NEK11: variants seen among roughly 807,000 people sequenced by gnomAD.
The protein encoded by NEK11 is NIMA related kinase 11, also known as serine/threonine-protein kinase Nek11.
NEK11 carries 72 observed loss-of-function variants against 80.7 expected under a neutral mutation model. That is an observed-to-expected ratio of 0.89 (90% CI 0.74 to 1.08). NEK11 has a LOEUF of 1.08. Among genes scored for constraint, NEK11 ranks in the 50% least tolerant of loss-of-function variants. NEK11 has a pLI of 0.00. For missense variants in NEK11, 764 were observed against 763.6 expected (o/e 1.00, Z -0.01); for synonymous variants, 251 against 260.7 (o/e 0.96, Z 0.36).
chr3:131,170,701 TA>T (rs2092626994), intron 13 of NEK11, 71 bp from the exon 14 acceptor site: 6 of 941,196 alleles, frequency 6.4e-6, no homozygotes, highest in Non-Finnish European at 1.1e-5. Flanking sequence ...TAAATAAGAA[TA>T]TTTTTTTCAT....
At chr3:131,152,582 C>T in intron 8 of NEK11, 45 bp downstream of exon 8, 1 of 1,607,186 alleles carries the variant, frequency 6.2e-7, no homozygotes. Context: ...TAAAGTTGTA[C>T]TTATATTTTA....
chr3:131,295,945 G>T (rs112114522), intron 17 of NEK11, among the ~76,000 whole-genome samples: 1,648 of 152,186 alleles, frequency 0.011, 28 homozygotes, highest in African/African-American at 0.036. Context: ...GCTCAAGTGA[G>T]CCTCCTAACT....
At chr3:131,279,353 A>C (rs1249631406) in intron 17 of NEK11, among the ~76,000 whole-genome samples, 3 of 152,168 alleles carry the variant, frequency 2.0e-5, no homozygotes, top group Admixed American at 2.0e-4. Flanking sequence ...GGTCTCAAAA[A>C]ATAAAATAAA....
intron 7 of NEK11, among the ~76,000 whole-genome samples, chr3:131,148,368 A>G (rs547066635): frequency 6.6e-6 from 1 of 152,110 alleles, no homozygotes; most frequent in Non-Finnish European, 1.5e-5. Context: ...TTTAGTATCA[A>G]ACTTGTCCTG....
intron 14 of NEK11, among the ~76,000 whole-genome samples, chr3:131,210,751 C>A (rs930298394): frequency 6.6e-6 from 1 of 152,128 alleles, no homozygotes; most frequent in South Asian, 2.1e-4. Flanking sequence ...CTCTTTTGAT[C>A]TTTGTTGGTT....
intron 17 of NEK11, among the ~76,000 whole-genome samples, chr3:131,278,102 G>A (rs921595106): frequency 2.6e-5 from 4 of 152,188 alleles, no homozygotes; most frequent in African/African-American, 4.8e-5. Context: ...TTTAGCATGC[G>A]AAAAGTGCTA....
chr3:131,322,291 G>C (rs538231384), intron 17 of NEK11, among the ~76,000 whole-genome samples: 4 of 152,270 alleles, frequency 2.6e-5, no homozygotes, highest in African/African-American at 9.6e-5. Flanking sequence ...GACCACTAGA[G>C]GAGGGAGGAA....
chr3:131,326,304 C>A (rs2096965737), intron 17 of NEK11: 1 of 152,192 alleles, frequency 6.6e-6, no homozygotes, highest in African/African-American at 2.4e-5. Flanking sequence ...TCATATCAAC[C>A]CTCCAGAGGC....
intron 16 of NEK11, 100 bp from the exon 17 acceptor site, chr3:131,273,378 C>A (rs1229144661): frequency 2.6e-6 from 2 of 783,330 alleles, no homozygotes; most frequent in Non-Finnish European, 4.4e-6. Flanking sequence ...TACCATGTGG[C>A]AAAGGTGGAT....
intron 17 of NEK11, among the ~76,000 whole-genome samples, chr3:131,318,016 T>G (rs984214585): frequency 6.6e-5 from 10 of 152,154 alleles, no homozygotes; most frequent in African/African-American, 2.4e-4. Flanking sequence ...TTTCCTGCTT[T>G]CTTCAGATTC....
intron 17 of NEK11, among the ~76,000 whole-genome samples, chr3:131,320,722 T>C (rs1203040918): frequency 6.6e-6 from 1 of 152,018 alleles, no homozygotes; most frequent in Non-Finnish European, 1.5e-5. Flanking sequence ...TCTATGTCAA[T>C]GCTAGTTCAT....
In NEK11 at chr3:131,275,111, AC is replaced by A. The variant is rs1259468279; in HGVS notation, c.1718+1538del. ...TTCTTTTGAGAGTGGTCTTATAATAACATAATTACCATGGCAAGAACTGATT... is the reference window on the plus strand; with the variant it reads ...TTCTTTTGAGAGTGGTCTTATAATAAATAATTACCATGGCAAGAACTGATT... On this transcript the variant is annotated intron_variant, in intron 17 of 17. Coordinates refer to ENST00000383366, the MANE Select transcript of NEK11 (RefSeq NM_024800.5). Among the ~76,000 whole-genome samples the A allele has an allele frequency of 2.6e-5, 4 of 152,186 alleles. No homozygotes were observed. The East Asian group carries it at 7.7e-4, about 29-fold the overall frequency.
At chr3:131,153,742 G>A (rs908668718) in intron 9 of NEK11, among the ~76,000 whole-genome samples, 1 of 152,164 alleles carries the variant, frequency 6.6e-6, no homozygotes, top group Non-Finnish European at 1.5e-5. Context: ...CAAAATGAAA[G>A]GAACAGGTAT....
intron 14 of NEK11, among the ~76,000 whole-genome samples, chr3:131,173,132 C>T (rs1457579826): frequency 6.6e-6 from 1 of 152,172 alleles, no homozygotes; most frequent in African/African-American, 2.4e-5. Context: ...AACTATAAGT[C>T]TATTCAGTCG....
At position 131,222,384 on chromosome 3, in the gene NEK11, A is replaced by G. The variant is rs536642898; in HGVS notation, c.1400-6144A>G. 2.9e-4 allele frequency among the ~76,000 whole-genome samples: 44 copies of G among 152,310 alleles called. No individual in the cohort carries two copies. In the South Asian group the frequency reaches 3.9e-3, roughly 14 times the overall value. ...ATGGTATCAAATTTTTGTGGTATCA[A>G]ATGTATATCAGCATGCTTTTTAAAC... On this transcript the variant is annotated intron_variant, in intron 14 of 17. Transcript: ENST00000383366.
intron 7 of NEK11, among the ~76,000 whole-genome samples, chr3:131,152,095 G>A (rs60334054): frequency 7.5e-4 from 114 of 152,044 alleles, no homozygotes; most frequent in African/African-American, 2.5e-3. Context: ...CAAATACTTA[G>A]AATTCTTACT....
chr3:131,146,365 C>T (rs1342682218), intron 7 of NEK11, among the ~76,000 whole-genome samples: 1 of 152,008 alleles, frequency 6.6e-6, no homozygotes, highest in African/African-American at 2.4e-5. Flanking sequence ...GAACTAATAC[C>T]AATACCAACA....
intron 4 of NEK11, among the ~76,000 whole-genome samples, chr3:131,093,460 G>A (rs1340114086): frequency 6.6e-6 from 1 of 151,692 alleles, no homozygotes; most frequent in Non-Finnish European, 1.5e-5. Context: ...GTCTCGCTCT[G>A]TCTGTCAGGC....
intron 17 of NEK11, among the ~76,000 whole-genome samples, chr3:131,289,407 A>C (rs1169516794): frequency 1.3e-5 from 2 of 152,220 alleles, no homozygotes; most frequent in Non-Finnish European, 2.9e-5. Flanking sequence ...TACACAGTTC[A>C]GTCTATAACA....
Sources: gnomAD v4.1 joint callset for allele counts (sites outside exome capture counted in the v4.1 genomes callset) on GRCh38, gnomAD v4.1.1 for gene constraint, MANE v1.5 for transcripts, NCBI Gene and HGNC (gene_info 2026-07-23, HGNC 2026-07-21) for gene names.